The following EIF2AK4 variants were observed in gnomAD, a reference collection of about 807,000 sequenced individuals.
EIF2AK4 encodes the protein eIF-2-alpha kinase GCN2.
A neutral mutation model predicts 211.1 loss-of-function variants in EIF2AK4; 139 were observed. That is an observed-to-expected ratio of 0.66 (90% CI 0.57 to 0.76). The LOEUF is 0.76. Ranked by LOEUF, EIF2AK4 falls within the 30% of genes least tolerant of loss-of-function variation. The probability of loss-of-function intolerance (pLI) is 0.00; values close to 1 mark genes in which losing one functional copy is unlikely to be tolerated. For synonymous variants in EIF2AK4, 710 were observed against 751.3 expected, an observed-to-expected ratio of 0.94 and a Z score of 0.90; for missense variants, 1,664 against 2,043.8, an observed-to-expected ratio of 0.81 and a Z score of 3.58.
chr15:39,986,356 T>C (rs1486342858), intron 14 of EIF2AK4, among the ~76,000 whole-genome samples: 1 of 152,278 alleles, frequency 6.6e-6, no homozygotes, highest in African/African-American at 2.4e-5. Context: ...TAAGATATGA[T>C]GTGCACACAT....
intron 18 of EIF2AK4, 76 bp downstream of exon 18, chr15:39,992,924 G>C: frequency 7.2e-7 from 1 of 1,393,986 alleles, no homozygotes; most frequent in South Asian, 1.2e-5. Flanking sequence ...TTGGGATTTA[G>C]TCCCGGCTAA....
At chr15:39,949,066 G>A in intron 3 of EIF2AK4, 50 bp from the exon 4 acceptor site, 1 of 1,596,870 alleles carries the variant, frequency 6.3e-7, no homozygotes, top group East Asian at 2.3e-5. Context: ...TCCTGTTTGG[G>A]CCTTCCCATT....
chr15:39,938,329 T>A (rs2034097046), intron 1 of EIF2AK4, among the ~76,000 whole-genome samples: 1 of 152,228 alleles, frequency 6.6e-6, no homozygotes, highest in Non-Finnish European at 1.5e-5. Flanking sequence ...CAGACCACAT[T>A]CGCAGAATTA....
chr15:40,001,018 G>A lies in EIF2AK4; in HGVS notation c.2953G>A (p.Asp985Asn), dbSNP rs1254425869. 3.7e-6 allele frequency: 6 copies of A among 1,614,058 alleles called. 1 individual carries two copies. The highest frequency in any genetic ancestry group is 1.1e-5 in the South Asian group (1 of 91,084). Residue 985 changes from aspartate (D) to asparagine (N), a missense_variant, in exon 21 of 39, where the codon GAT becomes AAT. Asp to Asn is a conservative substitution (Grantham distance 23). Around this residue, in one of 7 missense-constraint regions of EIF2AK4, gnomAD observed 622 missense variants for 796.8 expected, o/e 0.78. Coordinates refer to ENST00000263791, the MANE Select transcript of EIF2AK4 (RefSeq NM_001013703.4). ...AGTCATCTCCTGGCTGTTGAACCAC[G>A]ATCCAGCAAAACGGCCCACAGCCAC... ...KSVISWLLNH[D>N]PAKRPTATEL...
At chr15:39,973,824 T>TA (rs1285226841) in intron 11 of EIF2AK4, 75 bp downstream of exon 11, 2 of 1,544,222 alleles carry the variant, frequency 1.3e-6, no homozygotes, top group Non-Finnish European at 1.8e-6. Context: ...TCATGGACTT[T>TA]ACTTTTATTT....
intron 19 of EIF2AK4, 74 bp from the exon 20 acceptor site, chr15:39,998,657 C>A: frequency 8.5e-7 from 1 of 1,175,044 alleles, no homozygotes; most frequent in South Asian, 1.4e-5. Flanking sequence ...ATTTGATTTT[C>A]TTACTTATGG....
At chr15:40,032,303 G>A in intron 36 of EIF2AK4, 66 bp downstream of exon 36, 2 of 1,439,928 alleles carry the variant, frequency 1.4e-6, no homozygotes, top group South Asian at 2.3e-5. Context: ...GTTGCCTCAG[G>A]GTTCAGAGCT....
intron 29 of EIF2AK4, among the ~76,000 whole-genome samples, chr15:40,017,551 A>ATATATATATATATATATATGTATATG (rs71132134): frequency 2.3e-5 from 2 of 87,082 alleles, no homozygotes; most frequent in African/African-American, 4.5e-5. Context: ...ATATATATAT[A>ATATATATATATATATATATGTATATG]TATGTATTTT....
In EIF2AK4 at chr15:39,965,762, G is replaced by A; in HGVS notation, c.936G>A (p.Glu312=). ...CTGGTGGCTTTGTCTTGTTGTATGA[G>A]TGGGTCCTTCAGTGGCAGAAAAAAA... The part of the protein sequence containing the change: ...TATGGFVLLY[E]WVLQWQKKMG... Residue 312 remains glutamate, a synonymous_variant, in exon 8 of 39, where the codon GAG becomes GAA. Transcript: ENST00000263791. 6.2e-7 allele frequency: 1 copy of A among 1,614,136 alleles called. No individual in the cohort carries two copies. Among genetic ancestry groups the A allele is most frequent in the East Asian group, 2.2e-5 (1 of 44,878 alleles).
intron 8 of EIF2AK4, 133 bp downstream of exon 8, chr15:39,965,976 A>G: frequency 8.4e-7 from 1 of 1,187,428 alleles, no homozygotes; most frequent in Non-Finnish European, 1.1e-6. Context: ...TTGACCAGGG[A>G]GGACAGTGAA....
intron 16 of EIF2AK4, among the ~76,000 whole-genome samples, chr15:39,990,889 G>A (rs371880731): frequency 2.6e-5 from 4 of 152,218 alleles, no homozygotes; most frequent in African/African-American, 7.2e-5. Flanking sequence ...ATTCCAGAGA[G>A]AGCACAGCAT....
intron 13 of EIF2AK4, among the ~76,000 whole-genome samples, chr15:39,983,954 A>G (rs759942307): frequency 2.0e-5 from 3 of 152,176 alleles, no homozygotes; most frequent in Non-Finnish European, 4.4e-5. Context: ...GGTATTGCCT[A>G]GGTTTTCTTC....
At chr15:39,994,232 T>C (rs542867724) in intron 18 of EIF2AK4, among the ~76,000 whole-genome samples, 5 of 152,302 alleles carry the variant, frequency 3.3e-5, no homozygotes, top group African/African-American at 1.2e-4. Context: ...AAGGATAAAT[T>C]TGAAATCAGC....
chr15:40,021,019 T>TC lies in EIF2AK4; in HGVS notation c.4294_4295insC (p.Trp1432SerfsTer16). 1 of 1,612,266 alleles carries TC rather than the reference T, an allele frequency of 6.2e-7. No homozygotes were observed. The highest frequency in any genetic ancestry group is 8.5e-7 in the Non-Finnish European group (1 of 1,179,216). Reference sequence around the variant, plus strand: ...CATCACAGCAGAAATCATGTACGACTGGTCACAGGTAATGGGACAAAAAGC... The same window carrying TC: ...CATCACAGCAGAAATCATGTACGACTCGGTCACAGGTAATGGGACAAAAAGC... On this transcript the variant is annotated frameshift_variant, in exon 31 of 39. Coordinates refer to ENST00000263791, the MANE Select transcript of EIF2AK4 (RefSeq NM_001013703.4). LOFTEE classifies it high-confidence loss of function.
At chr15:40,034,174 AGTCTCCTAACTG>A (rs1595442348) in intron 37 of EIF2AK4, 140 bp from the exon 38 acceptor site, 1 of 591,556 alleles carries the variant, frequency 1.7e-6, no homozygotes, top group Non-Finnish European at 3.0e-6. Context: ...GAACCCCAGC[AGTCTCCTAACTG>A]GTTCTGCTAT....
chr15:40,031,239 CAAAAT>C (rs1211318369), intron 35 of EIF2AK4, among the ~76,000 whole-genome samples: 1 of 151,944 alleles, frequency 6.6e-6, no homozygotes, highest in African/African-American at 2.4e-5. Flanking sequence ...GACTTTGTCT[CAAAAT>C]AAAATAACTA....
In EIF2AK4 at chr15:39,978,121, G is replaced by A. The variant is rs763719225; in HGVS notation, c.2293G>A (p.Asp765Asn). The A allele has an allele frequency of 9.4e-6, 15 of 1,588,762 alleles. No homozygotes were observed. The highest frequency in any genetic ancestry group is 1.2e-5 in the Non-Finnish European group (14 of 1,163,252). The change falls in exon 13 of 39, where the codon GAT (aspartate) becomes AAT (asparagine). Residue 765 changes from aspartate to asparagine, a missense_variant. Physicochemically the swap from Asp to Asn is conservative, Grantham distance 23. Around this residue, in one of 7 missense-constraint regions of EIF2AK4, gnomAD observed 206 missense variants for 201.9 expected, o/e 1.02. Transcript: ENST00000263791. ...SESDIIFDNEDENSKSQNQDE... is the reference protein window; with the variant it reads ...SESDIIFDNENENSKSQNQDE... ...AAGTGATATTATCTTTGACAATGAAGATGAGAACAGTAAAAGTCAGAATCA... is the reference window on the plus strand; with the variant it reads ...AAGTGATATTATCTTTGACAATGAAAATGAGAACAGTAAAAGTCAGAATCA...
intron 7 of EIF2AK4, 103 bp from the exon 8 acceptor site, chr15:39,965,583 G>A (rs2034532515): frequency 9.3e-6 from 12 of 1,284,252 alleles, no homozygotes; most frequent in Middle Eastern, 2.1e-4. Flanking sequence ...TTAGCGCATG[G>A]TATCCATTGT....
At chr15:40,034,054 G>A (rs868261241) in intron 37 of EIF2AK4, among the ~76,000 whole-genome samples, 2 of 151,032 alleles carry the variant, frequency 1.3e-5, no homozygotes, top group Non-Finnish European at 3.0e-5. Context: ...AAAAGTAAAC[G>A]GTAGGCAGAA....
Sources: allele counts gnomAD v4.1 joint callset (sites outside exome capture counted in the v4.1 genomes callset), GRCh38; gene constraint gnomAD v4.1.1; regional missense constraint gnomAD v4.1.1; transcripts MANE v1.5; gene names NCBI Gene and HGNC (gene_info 2026-07-23, HGNC 2026-07-21).